Variants in DPP6 observed in about 807,000 individuals in gnomAD.
DPP6 encodes the protein dipeptidyl peptidase like 6.
A neutral mutation model predicts 122.6 loss-of-function variants in DPP6; 69 were observed. The ratio of observed to expected loss-of-function variants is 0.56; its 90% CI spans 0.46 to 0.69. DPP6 has a LOEUF of 0.69. Among genes scored for constraint, DPP6 ranks in the 30% least tolerant of loss-of-function variants. The pLI is 0.00. For missense variants in DPP6, 928 were observed against 1,116.9 expected (o/e 0.83, Z 2.41); for synonymous variants, 418 against 433.1 (o/e 0.97, Z 0.43).
intron 1 of DPP6, among the ~76,000 whole-genome samples, chr7:154,398,062 C>G (rs1815242018): frequency 6.6e-6 from 1 of 152,162 alleles, no homozygotes; most frequent in African/African-American, 2.4e-5. Context: ...CATGGTAAAA[C>G]TGTTAGGAAG....
Position 154,833,861 on chromosome 7 carries a change from G to A in DPP6, c.1667-19919G>A, listed in dbSNP as rs1345013324. ...CAAAGGAGTTTTATTTTCTTTCTGG[G>A]TACAAGAGTTGGTGGTGGCCTTAGC... On this transcript the variant is annotated intron_variant, in intron 16 of 25. Coordinates refer to ENST00000377770, the MANE Select transcript of DPP6 (RefSeq NM_130797.4). This position sits in a 1 kb window ranked among gnomAD's most constrained non-coding sequence, Gnocchi z 4.3. Among the ~76,000 whole-genome samples, 1 of 152,148 alleles carries A rather than the reference G, an allele frequency of 6.6e-6. No homozygotes were observed. The highest frequency in any genetic ancestry group is 1.5e-5 in the Non-Finnish European group (1 of 68,022).
At chr7:154,454,488 A>T (rs1820656407) in intron 2 of DPP6, among the ~76,000 whole-genome samples, 1 of 152,164 alleles carries the variant, frequency 6.6e-6, no homozygotes, top group South Asian at 2.1e-4. Flanking sequence ...GTGGAGAATG[A>T]GCAATTAGGG....
At chr7:154,015,431 G>A (rs2429613) in intron 1 of DPP6, among the ~76,000 whole-genome samples, 2 of 152,030 alleles carry the variant, frequency 1.3e-5, no homozygotes, top group Admixed American at 6.6e-5. Flanking sequence ...GTCAAGCCTT[G>A]TCTCCGTAAG....
intron 1 of DPP6, among the ~76,000 whole-genome samples, chr7:154,021,080 G>A (rs1585187376): frequency 6.6e-6 from 1 of 152,298 alleles, no homozygotes; most frequent in South Asian, 2.1e-4. Flanking sequence ...GAGGACCACA[G>A]GGCTTGGTGT....
At position 154,036,024 on chromosome 7, in the gene DPP6, G is replaced by GCA. The variant is rs1396580852; in HGVS notation, c.51+148290_51+148291insCA. Among the ~76,000 whole-genome samples the GCA allele has an allele frequency of 1.4e-3, 125 of 90,474 alleles. 3 individuals are homozygous for GCA. The highest frequency in any genetic ancestry group is 8.9e-3 in the African/African-American group (122 of 13,694). The allele number at this position is 90,474 out of a possible 152,430, so 59.4% of individuals were successfully genotyped here. ...GCCAGGATTACGCGCGCGCGCTTGT[G>GCA]TGTGTGTGTGTGTGTGTGTGTGTAT... On this transcript the variant is annotated intron_variant, in intron 1 of 25. Coordinates refer to the DPP6 transcript ENST00000404039.
At chr7:154,709,026 C>A (rs556665413) in intron 7 of DPP6, among the ~76,000 whole-genome samples, 2 of 150,202 alleles carry the variant, frequency 1.3e-5, no homozygotes, top group Non-Finnish European at 3.0e-5. Context: ...CCAGCCTCAC[C>A]GACAGAGCAA....
intron 1 of DPP6, among the ~76,000 whole-genome samples, chr7:154,315,654 G>A (rs1041991457): frequency 6.6e-6 from 1 of 152,292 alleles, no homozygotes; most frequent in Middle Eastern, 3.4e-3. Context: ...GCATGTAGAA[G>A]AGGCTGGAAT....
At chr7:154,299,753 G>T (rs759443143) in intron 1 of DPP6, among the ~76,000 whole-genome samples, 1 of 152,170 alleles carries the variant, frequency 6.6e-6, no homozygotes, top group Non-Finnish European at 1.5e-5. Context: ...TTCTTGTAGG[G>T]CTTTCGTCTG....
intron 10 of DPP6, among the ~76,000 whole-genome samples, chr7:154,792,064 A>G (rs1797715310): frequency 6.6e-6 from 1 of 152,290 alleles, no homozygotes; most frequent in African/African-American, 2.4e-5. Flanking sequence ...TGAGAACAAA[A>G]GCAGCATTCT....
At chr7:153,872,715 G>T in the DPP6 span, among the ~76,000 whole-genome samples, 1 of 152,090 alleles carries the variant, frequency 6.6e-6, no homozygotes, top group South Asian at 2.1e-4. Context: ...AGGCATGGGG[G>T]CCCCACAGCA....
chr7:154,623,860 T>C (rs1834895654), intron 5 of DPP6, among the ~76,000 whole-genome samples: 1 of 152,254 alleles, frequency 6.6e-6, no homozygotes, highest in Non-Finnish European at 1.5e-5. Context: ...AAAGTATTTA[T>C]GCTTTAAAAA....
chr7:154,395,169 G>T (rs1563598838), intron 1 of DPP6, among the ~76,000 whole-genome samples: 2 of 152,130 alleles, frequency 1.3e-5, no homozygotes, highest in Admixed American at 1.3e-4. Context: ...ATGATGAAAG[G>T]GACAAACAGG....
chr7:153,969,946 G>A (rs553143858), intron 1 of DPP6, among the ~76,000 whole-genome samples: 1 of 151,950 alleles, frequency 6.6e-6, no homozygotes, highest in African/African-American at 2.4e-5. Context: ...CCTATCATTT[G>A]GGTCTGGCCT....
At chr7:154,346,708 C>A (rs1307714649) in intron 1 of DPP6, among the ~76,000 whole-genome samples, 1 of 152,174 alleles carries the variant, frequency 6.6e-6, no homozygotes, top group African/African-American at 2.4e-5. Context: ...CTGAGAGCAC[C>A]AAGCAGGTGT....
At chr7:154,289,287 C>T (rs574423859) in intron 1 of DPP6, among the ~76,000 whole-genome samples, 9 of 152,138 alleles carry the variant, frequency 5.9e-5, no homozygotes, top group African/African-American at 9.7e-5. Context: ...CCCAGGGTTG[C>T]GTGGGATCCT....
At position 154,675,856 on chromosome 7, in the gene DPP6, A is replaced by G. The variant is rs1051725488; in HGVS notation, c.762+6415A>G. Among the ~76,000 whole-genome samples the G allele has an allele frequency of 4.6e-5, 7 of 152,204 alleles. No individual in the cohort carries two copies. In the East Asian group the frequency reaches 1.4e-3, roughly 29 times the overall value. ...TGTCCACAGCAGGGGCTGTCACACT[A>G]TGTATTTGATATTCTTCTCATTTTT... On this transcript the variant is annotated intron_variant, in intron 7 of 25. Transcript: ENST00000377770.
the DPP6 span, among the ~76,000 whole-genome samples, chr7:153,804,643 C>T: frequency 6.6e-6 from 1 of 151,960 alleles, no homozygotes; most frequent in African/African-American, 2.4e-5. Flanking sequence ...GCCTGTAATC[C>T]CAGCACTTTG....
At chr7:154,229,430 C>T (rs984428109) in intron 1 of DPP6, among the ~76,000 whole-genome samples, 1 of 152,150 alleles carries the variant, frequency 6.6e-6, no homozygotes, top group African/African-American at 2.4e-5. Context: ...GTTTATTCAA[C>T]TTTAATTTTT....
intron 1 of DPP6, among the ~76,000 whole-genome samples, chr7:154,239,314 T>C (rs2150869160): frequency 6.6e-6 from 1 of 152,290 alleles, no homozygotes; most frequent in Admixed American, 6.5e-5. Flanking sequence ...CAGTTGACCC[T>C]TGAACAACAC....
Sources: gnomAD v4.1 joint callset for allele counts (sites outside exome capture counted in the v4.1 genomes callset) on GRCh38, gnomAD v4.1.1 for gene constraint, Gnocchi (gnomAD v3.1) non-coding constraint, MANE v1.5 for transcripts, NCBI Gene and HGNC (gene_info 2026-07-23, HGNC 2026-07-21) for gene names.